Variants in TNRC6A observed in about 807,000 individuals in gnomAD.
The protein encoded by TNRC6A is trinucleotide repeat-containing gene 6A protein.
A neutral mutation model predicts 221.2 loss-of-function variants in TNRC6A; 44 were observed. The observed-to-expected ratio is 0.20, with a 90% CI of 0.16 to 0.26. TNRC6A has a LOEUF of 0.26. Ranked by LOEUF, TNRC6A falls within the 10% of genes least tolerant of loss-of-function variation. The pLI, the probability that TNRC6A is intolerant of heterozygous loss-of-function variation, is 1.00. For synonymous variants in TNRC6A, 847 were observed against 838.5 expected (o/e 1.01, Z -0.18); for missense variants, 2,199 against 2,404.4 (o/e 0.91, Z 1.79).
chr16:24,805,173 TCTC>T (rs768461956), intron 14 of TNRC6A, 22 bp downstream of exon 14: 6 of 1,611,486 alleles, frequency 3.7e-6, no homozygotes, highest in South Asian at 1.1e-5. Context: ...TTCCTTACAT[TCTC>T]CTGTTTACCT....
intron 20 of TNRC6A, among the ~76,000 whole-genome samples, chr16:24,817,471 A>C (rs1453590655): frequency 6.6e-6 from 1 of 152,086 alleles, no homozygotes; most frequent in Non-Finnish European, 1.5e-5. Flanking sequence ...TGGAAGAGCG[A>C]ATTAGGCTGT....
intron 10 of TNRC6A, 105 bp from the exon 11 acceptor site, chr16:24,797,810 C>T: frequency 9.7e-7 from 1 of 1,029,218 alleles, no homozygotes; most frequent in Non-Finnish European, 1.4e-6. Flanking sequence ...GCTTTATGAT[C>T]CACTTGAATT....
chr16:24,719,403 C>T (rs886392783), intron 2 of TNRC6A, among the ~76,000 whole-genome samples: 8 of 152,056 alleles, frequency 5.3e-5, no homozygotes, highest in Non-Finnish European at 7.4e-5. Flanking sequence ...TGCTGGCTCA[C>T]GCTTGTAATC....
In TNRC6A at chr16:24,804,757, G is replaced by A. The variant is rs1466630997; in HGVS notation, c.3890G>A (p.Ser1297Asn). The A allele has an allele frequency of 1.2e-6, 2 of 1,608,938 alleles. No individual in the cohort carries two copies. Among genetic ancestry groups the A allele is most frequent in the Non-Finnish European group, 1.7e-6 (2 of 1,179,044 alleles). The change falls in exon 13 of 25, where the codon AGC becomes AAC. Residue 1297 changes from serine to asparagine, a missense_variant. Transcript: ENST00000395799. ...AACATGCAGTTTATGTCCAGTCAAA[G>A]CATGAAGCTTCCCCCTTCAAATAGT... ...SQNMQFMSSQSMKLPPSNSAL... is the reference protein window; with the variant it reads ...SQNMQFMSSQNMKLPPSNSAL...
rs561995223 is a variant in TNRC6A at position 24,672,418 on chromosome 16, GC to G, written n.402+31410del. Among the ~76,000 whole-genome samples, 53 of 151,866 alleles carry G rather than the reference GC, an allele frequency of 3.5e-4. 1 individual carries two copies. In the East Asian group the frequency reaches 0.01, roughly 29 times the overall value. On this transcript the variant is annotated intron_variant and non_coding_transcript_variant, in intron 2 of 2. Coordinates refer to the TNRC6A transcript ENST00000566108. The stretch of plus-strand genomic sequence containing the variant: ...GCTGGGATTACAGGCGTGAGCCACC[GC>G]GCCTGGCCCTTTGTTTATTTTTTAC...
chr16:24,754,832 T>G (rs1252574495), intron 3 of TNRC6A, among the ~76,000 whole-genome samples: 1 of 152,214 alleles, frequency 6.6e-6, no homozygotes, highest in African/African-American at 2.4e-5. Context: ...TGAGAATGTT[T>G]CAACATCCAT....
chr16:24,726,535 CAA>C (rs543479655), upstream of TNRC6A, among the ~76,000 whole-genome samples: 1 of 152,082 alleles, frequency 6.6e-6, no homozygotes, highest in Admixed American at 6.6e-5. Context: ...TTGGCACCCT[CAA>C]AGTCATTTGC....
At chr16:24,651,538 C>CAAAAA (rs768568973) in intron 2 of TNRC6A, among the ~76,000 whole-genome samples, 3 of 48,774 alleles carry the variant, frequency 6.2e-5, no homozygotes, top group East Asian at 8.3e-4. Context: ...AACTCCATCT[C>CAAAAA]AAAAAAAAAA....
At chr16:24,784,683 G>A (rs2151813579) in intron 5 of TNRC6A, among the ~76,000 whole-genome samples, 1 of 152,166 alleles carries the variant, frequency 6.6e-6, no homozygotes, top group East Asian at 1.9e-4. Context: ...CTCACCATTG[G>A]TAACCCAATT....
At chr16:24,682,621 A>G (rs1390349769) in intron 2 of TNRC6A, among the ~76,000 whole-genome samples, 2 of 152,116 alleles carry the variant, frequency 1.3e-5, no homozygotes, top group Admixed American at 1.3e-4. Context: ...TACCACCCCT[A>G]TGCCTGAAAG....
At chr16:24,725,134 T>C (rs190565718), upstream of TNRC6A, among the ~76,000 whole-genome samples, 21 of 152,286 alleles carry the variant, frequency 1.4e-4, 1 homozygote, top group East Asian at 4.0e-3. Context: ...CCTAATGGAT[T>C]GATGCAAGTA....
chr16:24,698,352 A>G (rs192109315), intron 2 of TNRC6A, among the ~76,000 whole-genome samples: 1 of 152,016 alleles, frequency 6.6e-6, no homozygotes, highest in Non-Finnish European at 1.5e-5. Context: ...ACCCCCCAAG[A>G]TTGGATTAAA....
At chr16:24,728,481 A>T (rs1263420640), upstream of TNRC6A, among the ~76,000 whole-genome samples, 2 of 152,022 alleles carry the variant, frequency 1.3e-5, no homozygotes, top group African/African-American at 4.8e-5. Flanking sequence ...AATAAAAAAA[A>T]AAGCCAGTTG....
Position 24,812,019 on chromosome 16 carries a change from A to ATTTTTTTTTTTTTTTTTTTTTTTTT in TNRC6A, c.4672+2561_4672+2585dup, listed in dbSNP as rs71156440. ...CCGTTCAGGGGAATGTCACTTTGGGATTTTTTTTTTTTTTTTTTTTTTTTT... is the reference window on the plus strand; with the variant it reads ...CCGTTCAGGGGAATGTCACTTTGGGATTTTTTTTTTTTTTTTTTTTTTTTTTTTTTTTTTTTTTTTTTTTTTTTTT... On this transcript the variant is annotated intron_variant, in intron 18 of 24. Coordinates refer to ENST00000395799, the MANE Select transcript of TNRC6A (RefSeq NM_014494.4). Among the ~76,000 whole-genome samples the ATTTTTTTTTTTTTTTTTTTTTTTTT allele has an allele frequency of 1.2e-4, 5 of 40,854 alleles. 2 individuals are homozygous for ATTTTTTTTTTTTTTTTTTTTTTTTT. The highest frequency in any genetic ancestry group is 4.5e-4 in the Admixed American group (1 of 2,222). 26.8% of individuals were successfully genotyped at this position (40,854 alleles called of 152,430 possible).
At chr16:24,802,270 C>G (rs547242772) in intron 11 of TNRC6A, among the ~76,000 whole-genome samples, 3 of 152,066 alleles carry the variant, frequency 2.0e-5, no homozygotes, top group South Asian at 4.1e-4. Context: ...ACAATGAGGC[C>G]GGGCACAGTG....
chr16:24,784,241 AT>A (rs2057917581), intron 5 of TNRC6A, among the ~76,000 whole-genome samples: 2 of 152,178 alleles, frequency 1.3e-5, no homozygotes, highest in East Asian at 3.9e-4. Flanking sequence ...ACCTCAGTTG[AT>A]CCTCCCGCCT....
intron 18 of TNRC6A, among the ~76,000 whole-genome samples, chr16:24,810,261 T>G (rs182307114): frequency 6.6e-6 from 1 of 152,338 alleles, no homozygotes; most frequent in East Asian, 1.9e-4. Context: ...TTTAGTATTA[T>G]CCATTCACCC....
At chr16:24,781,001 A>G (rs1445768654) in intron 5 of TNRC6A, among the ~76,000 whole-genome samples, 1 of 134,700 alleles carries the variant, frequency 7.4e-6, no homozygotes, top group Non-Finnish European at 1.5e-5. Context: ...ACAAACTCAG[A>G]TCTTCTCTAT....
intron 2 of TNRC6A, among the ~76,000 whole-genome samples, chr16:24,738,904 C>T (rs1054932611): frequency 6.6e-6 from 1 of 152,104 alleles, no homozygotes; most frequent in Non-Finnish European, 1.5e-5. Context: ...CCCAGGCTGA[C>T]GTTCAGTGGT....
Sources: allele counts gnomAD v4.1 joint callset (sites outside exome capture counted in the v4.1 genomes callset), GRCh38; gene constraint gnomAD v4.1.1; transcripts MANE v1.5; gene names NCBI Gene and HGNC (gene_info 2026-07-23, HGNC 2026-07-21).